AAK1: variants seen among roughly 807,000 people sequenced by gnomAD.
AAK1 encodes AP2-associated protein kinase 1.
A neutral mutation model predicts 116.0 loss-of-function variants in AAK1; 37 were observed. The ratio of observed to expected loss-of-function variants is 0.32; its 90% CI spans 0.25 to 0.42. The LOEUF (loss-of-function observed/expected upper bound fraction) is 0.42, where lower values mean the gene tolerates loss of function less well. AAK1 is among the 10% of genes least tolerant of loss of function. The pLI, the probability that AAK1 is intolerant of heterozygous loss-of-function variation, is 1.00. For missense variants in AAK1, 919 were observed against 1,170.6 expected, an observed-to-expected ratio of 0.79 and a Z score of 3.14; for synonymous variants, 458 against 439.9, an observed-to-expected ratio of 1.04 and a Z score of -0.51.
chr2:69,549,633 G>T (rs13388011), intron 3 of AAK1, among the ~76,000 whole-genome samples: 2 of 152,184 alleles, frequency 1.3e-5, no homozygotes, highest in African/African-American at 4.8e-5. Context: ...TATTAATGCA[G>T]CTAAACATTA....
rs1347138399 is a variant in AAK1, at chr2:69,519,133, G to T, written c.1318C>A (p.Pro440Thr). 6.4e-7 allele frequency: 1 copy of T among 1,565,814 alleles called. No homozygotes were observed. Among genetic ancestry groups the T allele is most frequent in the South Asian group, 1.2e-5 (1 of 85,068 alleles). The change falls in exon 12 of 22, where the codon CCC (proline) becomes ACC (threonine). Residue 440 changes from proline to threonine, a missense_variant. Coordinates refer to ENST00000409085, the MANE Select transcript of AAK1 (RefSeq NM_014911.5). ...GTAGAAGGCGTCTGCTGTGGAGTGGGAGGAGCCTGTGGCTGCTTGGCCTGA... is the reference window on the plus strand; with the variant it reads ...GTAGAAGGCGTCTGCTGTGGAGTGGTAGGAGCCTGTGGCTGCTTGGCCTGA... ...QTQAKQPQAP[P>T]TPQQTPSTQA...
intron 2 of AAK1, among the ~76,000 whole-genome samples, chr2:69,559,260 T>TCACACA (rs1179622142): frequency 8.5e-6 from 1 of 117,028 alleles, no homozygotes; most frequent in Non-Finnish European, 1.7e-5. Context: ...TCTCTCTCTC[T>TCACACA]CTCACACACA....
At chr2:69,524,474 G>A (rs1205533009) in intron 10 of AAK1, among the ~76,000 whole-genome samples, 7 of 151,782 alleles carry the variant, frequency 4.6e-5, no homozygotes, top group Non-Finnish European at 1.0e-4. Flanking sequence ...TTGCTCTGTC[G>A]CCCGGGCTAG....
chr2:69,607,560 C>G (rs1487602421), intron 2 of AAK1, among the ~76,000 whole-genome samples: 1 of 152,176 alleles, frequency 6.6e-6, no homozygotes, highest in Non-Finnish European at 1.5e-5. Flanking sequence ...ACGACTACTG[C>G]TAGCTACCAG....
chr2:69,495,565 C>A (rs537314503), intron 17 of AAK1, among the ~76,000 whole-genome samples: 30 of 152,268 alleles, frequency 2.0e-4, no homozygotes, highest in African/African-American at 6.3e-4. Flanking sequence ...TAGAAAAGAA[C>A]TGAACAGCAG....
intron 2 of AAK1, among the ~76,000 whole-genome samples, chr2:69,593,274 G>A (rs1466477976): frequency 1.3e-5 from 2 of 152,048 alleles, no homozygotes; most frequent in Non-Finnish European, 2.9e-5. Flanking sequence ...CTAGGAAATT[G>A]ACTAACTAGA....
At chr2:69,628,454 A>C (rs924897780) in intron 2 of AAK1, among the ~76,000 whole-genome samples, 1 of 152,146 alleles carries the variant, frequency 6.6e-6, no homozygotes, top group African/African-American at 2.4e-5. Context: ...CCTTATTCAC[A>C]TAAGACAAGC....
chr2:69,581,583 C>T (rs1232718412), intron 2 of AAK1, among the ~76,000 whole-genome samples: 2 of 152,216 alleles, frequency 1.3e-5, no homozygotes, highest in East Asian at 1.9e-4. Context: ...TGCAGAGCAA[C>T]GTTTTAATTC....
intron 2 of AAK1, among the ~76,000 whole-genome samples, chr2:69,606,031 G>C (rs182569702): frequency 2.0e-5 from 3 of 152,120 alleles, no homozygotes. Flanking sequence ...ACTGTCCTAG[G>C]AACATGCTTT....
intron 2 of AAK1, among the ~76,000 whole-genome samples, chr2:69,562,347 A>G (rs1391330891): frequency 6.6e-6 from 1 of 152,202 alleles, no homozygotes; most frequent in African/African-American, 2.4e-5. Flanking sequence ...AACTCCTAGG[A>G]TTAGCAGCTT....
chr2:69,578,326 G>A (rs561203699), intron 2 of AAK1, among the ~76,000 whole-genome samples: 81 of 152,122 alleles, frequency 5.3e-4, no homozygotes, highest in Non-Finnish European at 1.0e-3. Context: ...CTGCTTCATG[G>A]CAATTAGTGA....
At chr2:69,624,510 A>G (rs772261064) in intron 2 of AAK1, among the ~76,000 whole-genome samples, 27 of 152,234 alleles carry the variant, frequency 1.8e-4, no homozygotes, top group Non-Finnish European at 3.1e-4. Flanking sequence ...ATATCAAAAT[A>G]TTAACAATGA....
rs1369459059 is a variant in AAK1 at position 69,473,993 on chromosome 2, T to A, written c.*1876A>T. ...GTGCCTCTCTCAGTTTTGGAAATGG[T>A]CTGTTATTCAACTAGAGGCCTTTAC... is the stretch of plus-strand genomic sequence containing the variant. On this transcript the variant is annotated 3_prime_UTR_variant, in exon 22 of 22. Transcript: ENST00000409085. 2.0e-6 allele frequency: 2 copies of A among 985,734 alleles called. No individual in the cohort carries two copies. The highest frequency in any genetic ancestry group is 2.4e-6 in the Non-Finnish European group (2 of 829,944). The allele number at this position is 985,734 out of a possible 1,614,324, so 61.1% of individuals were successfully genotyped here.
chr2:69,498,411 T>C (rs1675837922), intron 16 of AAK1, among the ~76,000 whole-genome samples: 1 of 151,982 alleles, frequency 6.6e-6, no homozygotes, highest in Non-Finnish European at 1.5e-5. Flanking sequence ...GAGGATGCTC[T>C]GGGGTCTACT....
intron 2 of AAK1, among the ~76,000 whole-genome samples, chr2:69,574,737 G>A (rs1049889982): frequency 2.0e-5 from 3 of 152,180 alleles, no homozygotes; most frequent in Non-Finnish European, 2.9e-5. Context: ...TCTGGAGGCT[G>A]AGGCGAGAGG....
intron 2 of AAK1, among the ~76,000 whole-genome samples, chr2:69,618,576 T>C (rs1390669374): frequency 1.3e-5 from 2 of 152,172 alleles, no homozygotes; most frequent in African/African-American, 4.8e-5. Context: ...ATGTAAAAAT[T>C]CCTGCTCCTT....
chr2:69,503,046 C>A (rs997978223), intron 16 of AAK1, among the ~76,000 whole-genome samples: 1 of 152,118 alleles, frequency 6.6e-6, no homozygotes, highest in Admixed American at 6.5e-5. Context: ...ACAAACTGGG[C>A]CACAGACAGC....
chr2:69,556,727 T>G (rs1671401452), intron 3 of AAK1, 133 bp downstream of exon 3: 1 of 658,074 alleles, frequency 1.5e-6, no homozygotes. Flanking sequence ...ATCCCATGGC[T>G]GTTGAGTCCC....
chr2:69,546,876 C>T (rs931931343), intron 3 of AAK1, among the ~76,000 whole-genome samples: 1 of 152,184 alleles, frequency 6.6e-6, no homozygotes, highest in Non-Finnish European at 1.5e-5. Context: ...AAGGAGCTTG[C>T]TCCAGCACAT....
Sources: allele counts gnomAD v4.1 joint callset (sites outside exome capture counted in the v4.1 genomes callset), GRCh38; gene constraint gnomAD v4.1.1; transcripts MANE v1.5; gene names NCBI Gene and HGNC (gene_info 2026-07-23, HGNC 2026-07-21).